The following ADAMTS2 variants were observed in gnomAD, a reference collection of about 807,000 sequenced individuals.
ADAMTS2 encodes ADAM metallopeptidase with thrombospondin type 1 motif 2.
ADAMTS2 carries 50 observed loss-of-function variants against 123.0 expected under a neutral mutation model. The observed-to-expected ratio is 0.41, with a 90% CI of 0.32 to 0.51. The LOEUF (loss-of-function observed/expected upper bound fraction) is 0.51, where lower values mean the gene tolerates loss of function less well. Among genes scored for constraint, ADAMTS2 ranks in the 20% least tolerant of loss-of-function variants. ADAMTS2 has a pLI of 0.35. For synonymous variants in ADAMTS2, 678 were observed against 695.4 expected, an observed-to-expected ratio of 0.98 and a Z score of 0.39; for missense variants, 1,494 against 1,705.2, an observed-to-expected ratio of 0.88 and a Z score of 2.18.
intron 2 of ADAMTS2, among the ~76,000 whole-genome samples, chr5:179,301,319 C>T (rs1316022926): frequency 6.6e-6 from 1 of 152,208 alleles, no homozygotes; most frequent in East Asian, 1.9e-4. Context: ...CTCTTTCGAC[C>T]TCTGCTTTTC....
At chr5:179,298,404 C>T (rs942342991) in intron 2 of ADAMTS2, among the ~76,000 whole-genome samples, 4 of 152,282 alleles carry the variant, frequency 2.6e-5, no homozygotes, top group Admixed American at 2.0e-4. Flanking sequence ...GGAGCTTGTG[C>T]ACCCTCCACT....
chr5:179,132,561 C>T lies in ADAMTS2; in HGVS notation c.2209+216G>A, dbSNP rs1168531299. Among the ~76,000 whole-genome samples the T allele has an allele frequency of 3.9e-5, 6 of 152,088 alleles. No individual in the cohort carries two copies. The highest frequency in any genetic ancestry group is 7.2e-5 in the African/African-American group (3 of 41,410). ...TTCTCCACTCTAACCCCTGTGACCCCGGCCCCCACTCTCCTCTTCCCCACC... is the reference window on the plus strand; with the variant it reads ...TTCTCCACTCTAACCCCTGTGACCCTGGCCCCCACTCTCCTCTTCCCCACC... On this transcript the variant is annotated intron_variant, in intron 14 of 21. Coordinates refer to ENST00000251582, the MANE Select transcript of ADAMTS2 (RefSeq NM_014244.5). The surrounding 1 kb of genome is among the most constrained non-coding windows in gnomAD (Gnocchi z 6.1).
intron 2 of ADAMTS2, among the ~76,000 whole-genome samples, chr5:179,299,066 C>T (rs1756423816): frequency 6.6e-6 from 1 of 151,886 alleles, no homozygotes; most frequent in Non-Finnish European, 1.5e-5. Context: ...TAAATGAAGC[C>T]AGTGCTCCAG....
Position 179,344,082 on chromosome 5 carries a change from G to A in ADAMTS2, c.219C>T (p.His73=), listed in dbSNP as rs1372824428. 6.2e-7 allele frequency: 1 copy of A among 1,610,916 alleles called. No individual in the cohort carries two copies. The highest frequency in any genetic ancestry group is 1.1e-5 in the South Asian group (1 of 90,944). Residue 73 remains histidine (H), a synonymous_variant, in exon 2 of 22, where the codon CAC becomes CAT. Transcript: ENST00000251582. ...CTCTGGACGTAGCTGCCGACACCAC[G>A]TGGGACACCAAGCGGCCCTGGGCGT... The part of the protein sequence containing the change: ...RTDAQGRLVS[H]VVSAATSRAG...
rs116359135 is a variant in ADAMTS2, at chr5:179,251,247, T to C, written c.688+21664A>G. ...AGTGAAAATGACATCCACACGGTAC[T>C]GGAAGCAGAGCTGCTAGAAACCCAG... On this transcript the variant is annotated intron_variant, in intron 3 of 21. Transcript: ENST00000251582. Among the ~76,000 whole-genome samples the C allele has an allele frequency of 7.6e-3, 1,162 of 152,268 alleles. 20 individuals carry two copies. Among genetic ancestry groups the C allele is most frequent in the African/African-American group, 0.027 (1,109 of 41,554 alleles).
At position 179,317,797 on chromosome 5, in the gene ADAMTS2, C is replaced by T. The variant is rs340115; in HGVS notation, c.534+25970G>A. ...ACTCCCTGGCCAGACTCATCGCCAG[C>T]TGGGGAGAGTGGAGCAGACGTACAG... On this transcript the variant is annotated intron_variant, in intron 2 of 21. Transcript: ENST00000251582. This position sits in a 1 kb window ranked among gnomAD's most constrained non-coding sequence, Gnocchi z 4.9. Among the ~76,000 whole-genome samples, 144,774 of 152,216 alleles carry T rather than the reference C, an allele frequency of 0.95. 69,269 individuals are homozygous for T. The highest frequency in any genetic ancestry group is 1 in the Non-Finnish European group (67,973 of 68,024).
At chr5:179,148,100 C>T (rs1763285413) in intron 10 of ADAMTS2, among the ~76,000 whole-genome samples, 1 of 152,116 alleles carries the variant, frequency 6.6e-6, no homozygotes, top group Non-Finnish European at 1.5e-5. Context: ...CTGTGGCTGG[C>T]ATCAAAGACT....
At chr5:179,147,918 T>C (rs750550308) in intron 10 of ADAMTS2, among the ~76,000 whole-genome samples, 1 of 152,054 alleles carries the variant, frequency 6.6e-6, no homozygotes, top group Non-Finnish European at 1.5e-5. Context: ...TTTTGCAAAA[T>C]TTACAAAAAT....
At chr5:179,205,711 C>G (rs1764668402) in intron 4 of ADAMTS2, among the ~76,000 whole-genome samples, 1 of 152,114 alleles carries the variant, frequency 6.6e-6, no homozygotes. Context: ...GGGCCCGGCA[C>G]AGTCACATAG....
chr5:179,126,663 G>A (rs944460410), intron 17 of ADAMTS2, among the ~76,000 whole-genome samples: 3 of 152,216 alleles, frequency 2.0e-5, no homozygotes, highest in Admixed American at 6.5e-5. Flanking sequence ...ACACCCCACC[G>A]TGCACAGGAC....
At chr5:179,126,164 G>T (rs1200781337) in intron 17 of ADAMTS2, 34 bp from the exon 18 acceptor site, 3 of 1,612,312 alleles carry the variant, frequency 1.9e-6, no homozygotes, top group Non-Finnish European at 2.5e-6. Flanking sequence ...GGTCGGTGGG[G>T]CAGCATGCCC....
chr5:179,264,549 C>T (rs542083840), intron 3 of ADAMTS2, among the ~76,000 whole-genome samples: 117 of 152,240 alleles, frequency 7.7e-4, no homozygotes, highest in African/African-American at 1.4e-3. Context: ...ACCCCTGAGC[C>T]GTGTACTGTC....
In ADAMTS2 at chr5:179,255,992, C is replaced by T. The variant is rs149883751; in HGVS notation, c.688+16919G>A. On this transcript the variant is annotated intron_variant, in intron 3 of 21. Transcript: ENST00000251582. ...GTAGGCCCTGGGGTCTGCCTACACC[C>T]CCAACACATGAGCATGGGCAGGTAC... Among the ~76,000 whole-genome samples the T allele has an allele frequency of 3.4e-3, 523 of 152,282 alleles. 7 individuals are homozygous for T. Among genetic ancestry groups the T allele is most frequent in the African/African-American group, 0.012 (497 of 41,558 alleles).
chr5:179,165,301 C>T (rs7706427), intron 5 of ADAMTS2, among the ~76,000 whole-genome samples: 40,661 of 152,142 alleles, frequency 0.27, 5,582 homozygotes, highest in African/African-American at 0.33. Flanking sequence ...TGTGCTTCCC[C>T]TGAGCGAGAA....
intron 3 of ADAMTS2, among the ~76,000 whole-genome samples, chr5:179,208,117 T>G (rs1764755016): frequency 1.3e-5 from 2 of 149,888 alleles, no homozygotes; most frequent in Admixed American, 6.6e-5. Flanking sequence ...CAGCCCGCAC[T>G]GCCTGACGCT....
chr5:179,125,250 C>T (rs578141907), intron 18 of ADAMTS2, 70 bp from the exon 19 acceptor site: 18 of 1,457,366 alleles, frequency 1.2e-5, no homozygotes, highest in East Asian at 2.3e-5. Context: ...TGAGCTCCAG[C>T]GCCGCTCCCT....
chr5:179,274,398 G>A (rs1766634542), intron 2 of ADAMTS2, among the ~76,000 whole-genome samples: 1 of 152,228 alleles, frequency 6.6e-6, no homozygotes, highest in Non-Finnish European at 1.5e-5. Context: ...AGACTCTCTT[G>A]AAAATCAGAA....
At position 179,262,725 on chromosome 5, in the gene ADAMTS2, G is replaced by A. The variant is rs928377049; in HGVS notation, c.688+10186C>T. ...CCTTCTCACGCTGCCCTTTCACCCC[G>A]TTTTACTTTGTTCACAGGATTCTCC... is the stretch of plus-strand genomic sequence containing the variant. On this transcript the variant is annotated intron_variant, in intron 3 of 21. Coordinates refer to ENST00000251582, the MANE Select transcript of ADAMTS2 (RefSeq NM_014244.5). The surrounding 1 kb of genome is among the most constrained non-coding windows in gnomAD (Gnocchi z 5.9). Among the ~76,000 whole-genome samples, 29 of 152,142 alleles carry A rather than the reference G, an allele frequency of 1.9e-4. No individual in the cohort carries two copies. The highest frequency in any genetic ancestry group is 9.7e-5 in the African/African-American group (4 of 41,416).
intron 5 of ADAMTS2, among the ~76,000 whole-genome samples, chr5:179,161,019 T>C (rs949018669): frequency 1.3e-5 from 2 of 152,180 alleles, no homozygotes; most frequent in Admixed American, 6.5e-5. Context: ...CCAACCCACA[T>C]TGAACATACA....
Sources: allele counts gnomAD v4.1 joint callset (sites outside exome capture counted in the v4.1 genomes callset), GRCh38; gene constraint gnomAD v4.1.1; non-coding constraint Gnocchi (gnomAD v3.1); transcripts MANE v1.5; gene names NCBI Gene and HGNC (gene_info 2026-07-23, HGNC 2026-07-21).